OSBPL8: variants seen among roughly 807,000 people sequenced by gnomAD.
The protein encoded by OSBPL8 is oxysterol binding protein like 8, also known as oxysterol-binding protein-related protein 8.
In OSBPL8, 59 loss-of-function variants were observed where a neutral mutation model predicts 125.5. The observed-to-expected ratio is 0.47, with a 90% confidence interval of 0.38 to 0.58. The LOEUF (loss-of-function observed/expected upper bound fraction) is 0.58, where lower values mean the gene tolerates loss of function less well. Ranked by LOEUF, OSBPL8 falls within the 20% of genes least tolerant of loss-of-function variation. The pLI is 0.00. For missense variants in OSBPL8, 758 were observed against 1,047.8 expected (o/e 0.72, Z 3.82); for synonymous variants, 330 against 338.9 (o/e 0.97, Z 0.29).
chr12:76,499,963 A>G (rs1879731680), intron 1 of OSBPL8, among the ~76,000 whole-genome samples: 1 of 152,094 alleles, frequency 6.6e-6, no homozygotes, highest in African/African-American at 2.4e-5. Flanking sequence ...CTACCCTCCA[A>G]TGATCCTTTA....
In OSBPL8 at chr12:76,398,981, T is replaced by C. The variant is rs116854771; in HGVS notation, c.468+892A>G. Reference sequence around the variant, plus strand: ...AAAGTCAGCCAGGCCAGGCAACGTGTTGGGGACTTAACAGAGGGCAGCTTT... The same window carrying C: ...AAAGTCAGCCAGGCCAGGCAACGTGCTGGGGACTTAACAGAGGGCAGCTTT... On this transcript the variant is annotated intron_variant, in intron 7 of 23. Transcript: ENST00000261183. Among the ~76,000 whole-genome samples the C allele has an allele frequency of 2.8e-4, 43 of 152,256 alleles. No homozygotes were observed. The East Asian group carries it at 7.1e-3, about 25-fold the overall frequency.
chr12:76,399,380 A>G (rs1372480243), intron 7 of OSBPL8, among the ~76,000 whole-genome samples: 2 of 152,212 alleles, frequency 1.3e-5, no homozygotes, highest in Non-Finnish European at 2.9e-5. Context: ...AAGGAAAGAA[A>G]AATAACCAGA....
chr12:76,492,640 G>T (rs1231983491), intron 1 of OSBPL8, among the ~76,000 whole-genome samples: 1 of 152,178 alleles, frequency 6.6e-6, no homozygotes, highest in Non-Finnish European at 1.5e-5. Context: ...TGTGAACTGT[G>T]CACACGAAGA....
At chr12:76,507,780 T>C (rs994095612) in intron 1 of OSBPL8, among the ~76,000 whole-genome samples, 4 of 151,212 alleles carry the variant, frequency 2.6e-5, no homozygotes, top group African/African-American at 4.9e-5. Flanking sequence ...GCCAAGATCA[T>C]GCCATTGCTC....
At chr12:76,520,468 T>A (rs1335594676) in intron 1 of OSBPL8, among the ~76,000 whole-genome samples, 1 of 152,160 alleles carries the variant, frequency 6.6e-6, no homozygotes, top group Admixed American at 6.5e-5. Context: ...TTCTGGAGAA[T>A]CAAAGTGTAC....
intron 1 of OSBPL8, among the ~76,000 whole-genome samples, chr12:76,491,793 T>C (rs1175131642): frequency 6.6e-6 from 1 of 152,214 alleles, no homozygotes; most frequent in East Asian, 1.9e-4. Context: ...AAAAATTATG[T>C]CTATGGGATG....
At chr12:76,459,244 T>C (rs1874415462) in intron 3 of OSBPL8, among the ~76,000 whole-genome samples, 2 of 152,164 alleles carry the variant, frequency 1.3e-5, no homozygotes, top group African/African-American at 4.8e-5. Flanking sequence ...TCTTACTCCC[T>C]AGCTAGACTA....
At chr12:76,523,723 C>T in intron 1 of OSBPL8, among the ~76,000 whole-genome samples, 1 of 152,198 alleles carries the variant, frequency 6.6e-6, no homozygotes, top group South Asian at 2.1e-4. Flanking sequence ...CCTGACCATG[C>T]TGGCACCCTG....
intron 1 of OSBPL8, among the ~76,000 whole-genome samples, chr12:76,537,535 T>G (rs549261531): frequency 2.3e-4 from 35 of 152,270 alleles, no homozygotes; most frequent in Admixed American, 6.5e-4. Context: ...TAGTAATAAC[T>G]TGAGCAAATT....
At chr12:76,471,961 T>C (rs1876189685) in intron 2 of OSBPL8, among the ~76,000 whole-genome samples, 1 of 152,242 alleles carries the variant, frequency 6.6e-6, no homozygotes, top group South Asian at 2.1e-4. Flanking sequence ...TACTGACTTT[T>C]CAACTCCACT....
At chr12:76,399,305 AG>A (rs1953953797) in intron 7 of OSBPL8, among the ~76,000 whole-genome samples, 1 of 152,158 alleles carries the variant, frequency 6.6e-6, no homozygotes. Flanking sequence ...TCTTAAACTC[AG>A]GATTCCTACA....
chr12:76,412,767 T>C (rs550339042), intron 4 of OSBPL8, among the ~76,000 whole-genome samples: 3 of 152,338 alleles, frequency 2.0e-5, no homozygotes, highest in Admixed American at 2.0e-4. Context: ...AGAAATTATG[T>C]TGACCAACAT....
At chr12:76,469,586 T>G (rs1875874768) in intron 2 of OSBPL8, among the ~76,000 whole-genome samples, 1 of 152,204 alleles carries the variant, frequency 6.6e-6, no homozygotes, top group Admixed American at 6.5e-5. Context: ...CACTCAGTTC[T>G]TATTTTTTGC....
chr12:76,391,962 G>A (rs1953580109), intron 10 of OSBPL8, among the ~76,000 whole-genome samples: 1 of 152,124 alleles, frequency 6.6e-6, no homozygotes, highest in Non-Finnish European at 1.5e-5. Flanking sequence ...AAAGTCTAAT[G>A]TTTTTCCTGC....
At chr12:76,371,080 C>T (rs1952602028) in intron 19 of OSBPL8, 1 of 156,098 alleles carries the variant, frequency 6.4e-6, no homozygotes. Flanking sequence ...AGATTCTGCA[C>T]CACTCCCTTT....
chr12:76,540,466 T>C (rs1950608683), intron 1 of OSBPL8, among the ~76,000 whole-genome samples: 1 of 150,832 alleles, frequency 6.6e-6, no homozygotes, highest in Non-Finnish European at 1.5e-5. Context: ...ACGAGTTCTG[T>C]TTTTAAAAAA....
chr12:76,543,045 T>C lies in OSBPL8; in HGVS notation c.-68+16352A>G, dbSNP rs1290025452. Among the ~76,000 whole-genome samples the C allele has an allele frequency of 2.0e-5, 3 of 152,194 alleles. No homozygotes were observed. In the South Asian group the frequency reaches 6.2e-4, roughly 31 times the overall value. Reference sequence around the variant, plus strand: ...TGCATATTCTTATATTGCCCTATATTTCTTCCTCTCAGCACTTCCCACAAT... The same window carrying C: ...TGCATATTCTTATATTGCCCTATATCTCTTCCTCTCAGCACTTCCCACAAT... On this transcript the variant is annotated intron_variant, in intron 1 of 23. Coordinates refer to ENST00000261183, the MANE Select transcript of OSBPL8 (RefSeq NM_020841.5).
intron 2 of OSBPL8, among the ~76,000 whole-genome samples, chr12:76,481,722 A>T (rs1877514705): frequency 6.6e-6 from 1 of 152,212 alleles, no homozygotes; most frequent in Non-Finnish European, 1.5e-5. Context: ...AATAATCATA[A>T]TAATGAAGTT....
At chr12:76,473,479 G>GGTGC (rs1876425917) in intron 2 of OSBPL8, among the ~76,000 whole-genome samples, 1 of 152,042 alleles carries the variant, frequency 6.6e-6, no homozygotes, top group Non-Finnish European at 1.5e-5. Flanking sequence ...TTCAACCTTA[G>GGTGC]ATGCACATTG....
Sources: gnomAD v4.1 joint callset for allele counts (sites outside exome capture counted in the v4.1 genomes callset) on GRCh38, gnomAD v4.1.1 for gene constraint, MANE v1.5 for transcripts, NCBI Gene and HGNC (gene_info 2026-07-23, HGNC 2026-07-21) for gene names.